Variants in TNFSF4 observed in about 807,000 individuals in gnomAD.
TNFSF4 encodes tumor necrosis factor ligand superfamily member 4.
In TNFSF4, 4 loss-of-function variants were observed where a neutral mutation model predicts 7.3. The ratio of observed to expected loss-of-function variants is 0.55; its 90% CI spans 0.27 to 1.25. The LOEUF is 1.25. Among genes scored for constraint, TNFSF4 ranks in the 50% most tolerant of loss-of-function variants. The probability of loss-of-function intolerance (pLI) is 0.12; values close to 1 mark genes in which losing one functional copy is unlikely to be tolerated. For synonymous variants in TNFSF4, 76 were observed against 83.7 expected (o/e 0.91, Z 0.50); for missense variants, 181 against 208.8 (o/e 0.87, Z 0.82).
At chr1:173,385,710 A>T in the TNFSF4 span, among the ~76,000 whole-genome samples, 1 of 152,214 alleles carries the variant, frequency 6.6e-6, no homozygotes, top group Non-Finnish European at 1.5e-5. Context: ...GTGGTGGCAC[A>T]TGCCTGTAAT....
the TNFSF4 span, among the ~76,000 whole-genome samples, chr1:173,365,090 G>GA: frequency 0.078 from 10,463 of 134,186 alleles, 1,228 homozygotes; most frequent in African/African-American, 0.26. Context: ...CTGTCACAGG[G>GA]AAAAAAAAAA....
the TNFSF4 span, among the ~76,000 whole-genome samples, chr1:173,357,271 A>T: frequency 6.6e-6 from 1 of 152,194 alleles, no homozygotes; most frequent in African/African-American, 2.4e-5. Context: ...GTATTATCTC[A>T]TGCCATCTGG....
chr1:173,297,667 A>G, the TNFSF4 span, among the ~76,000 whole-genome samples: 1 of 151,952 alleles, frequency 6.6e-6, no homozygotes, highest in East Asian at 1.9e-4. Context: ...AATACGAAAT[A>G]TGCAAGGCAG....
At chr1:173,433,489 G>A in the TNFSF4 span, among the ~76,000 whole-genome samples, 1 of 151,668 alleles carries the variant, frequency 6.6e-6, no homozygotes. Flanking sequence ...GAGTCCAGGA[G>A]TTCCAAACCA....
At chr1:173,319,209 T>G in the TNFSF4 span, among the ~76,000 whole-genome samples, 3 of 152,126 alleles carry the variant, frequency 2.0e-5, no homozygotes, top group African/African-American at 7.2e-5. Flanking sequence ...CCCCTGACAG[T>G]GCTAAAGGGT....
At chr1:173,225,104 C>G in the TNFSF4 span, among the ~76,000 whole-genome samples, 1 of 152,140 alleles carries the variant, frequency 6.6e-6, no homozygotes, top group Non-Finnish European at 1.5e-5. Context: ...TCTCATACTC[C>G]CCTTGTTATC....
chr1:173,410,908 AC>A, the TNFSF4 span, among the ~76,000 whole-genome samples: 1 of 152,050 alleles, frequency 6.6e-6, no homozygotes, highest in Non-Finnish European at 1.5e-5. Flanking sequence ...CTGGGGTAAA[AC>A]CCAAGGGGTA....
the TNFSF4 span, among the ~76,000 whole-genome samples, chr1:173,291,684 C>T: frequency 6.6e-6 from 1 of 151,872 alleles, no homozygotes; most frequent in Admixed American, 6.6e-5. Flanking sequence ...TGCAAAAATC[C>T]ATACAAAGGT....
At chr1:173,421,825 C>T in the TNFSF4 span, among the ~76,000 whole-genome samples, 1 of 152,048 alleles carries the variant, frequency 6.6e-6, no homozygotes, top group African/African-American at 2.4e-5. Context: ...AAACATAATA[C>T]AGTAATTTAG....
chr1:173,267,262 C>T, the TNFSF4 span, among the ~76,000 whole-genome samples: 3 of 152,162 alleles, frequency 2.0e-5, no homozygotes, highest in Admixed American at 1.3e-4. Context: ...TGAGCCCCAA[C>T]ATACCTTTGC....
chr1:173,391,949 A>G, the TNFSF4 span, among the ~76,000 whole-genome samples: 1 of 152,230 alleles, frequency 6.6e-6, no homozygotes, highest in East Asian at 1.9e-4. Context: ...TAAATTCCAT[A>G]AGTTACCCAA....
At chr1:173,409,833 C>T in the TNFSF4 span, among the ~76,000 whole-genome samples, 3 of 152,164 alleles carry the variant, frequency 2.0e-5, no homozygotes, top group African/African-American at 4.8e-5. Context: ...GAGGAGCTCC[C>T]GCAGCTCTCC....
the TNFSF4 span, among the ~76,000 whole-genome samples, chr1:173,255,527 C>G: frequency 6.6e-6 from 1 of 152,136 alleles, no homozygotes; most frequent in Non-Finnish European, 1.5e-5. Context: ...AGTTAACAAT[C>G]GTTATAATGT....
At chr1:173,320,429 G>A in the TNFSF4 span, among the ~76,000 whole-genome samples, 1 of 152,148 alleles carries the variant, frequency 6.6e-6, no homozygotes, top group Admixed American at 6.5e-5. Flanking sequence ...GCACAAGGAT[G>A]CCCTCTCTCA....
the TNFSF4 span, among the ~76,000 whole-genome samples, chr1:173,301,040 T>C: frequency 6.6e-6 from 1 of 151,970 alleles, no homozygotes; most frequent in African/African-American, 2.4e-5. Flanking sequence ...CCAGTATTTT[T>C]AAAAAGATTC....
Position 173,184,594 on chromosome 1 carries a change from C to A in TNFSF4, c.*1922G>T, listed in dbSNP as rs760148385. Reference sequence around the variant, plus strand: ...AAAAATTCCAAACTTAAAAATGAACCATGCATTTTCTTAAATATTACCTAT... The same window carrying A: ...AAAAATTCCAAACTTAAAAATGAACAATGCATTTTCTTAAATATTACCTAT... On this transcript the variant is annotated 3_prime_UTR_variant, in exon 3 of 3. Transcript: ENST00000281834. 3 of 152,060 alleles carry A rather than the reference C, an allele frequency of 2.0e-5. No individual in the cohort carries two copies. The highest frequency in any genetic ancestry group is 2.9e-5 in the Non-Finnish European group (2 of 68,010). The allele number at this position is 152,060 out of a possible 1,614,324, so 9.4% of individuals were successfully genotyped here. A position where few individuals can be genotyped will look rare whatever the true frequency, so the allele number is the denominator to read the frequency against.
chr1:173,442,531 GGTTTTTC>G, the TNFSF4 span, among the ~76,000 whole-genome samples: 3 of 147,222 alleles, frequency 2.0e-5, no homozygotes, highest in Non-Finnish European at 3.0e-5. Flanking sequence ...TTCGGTTTTT[GGTTTTTC>G]GTTTTTGTTT....
chr1:173,188,470 G>A, intron 2 of TNFSF4, 51 bp downstream of exon 2: 1 of 1,394,242 alleles, frequency 7.2e-7, no homozygotes, highest in East Asian at 2.3e-5. Flanking sequence ...AGAGACTGAA[G>A]AGAAGATTCT....
At chr1:173,429,483 G>A in the TNFSF4 span, among the ~76,000 whole-genome samples, 4 of 152,324 alleles carry the variant, frequency 2.6e-5, no homozygotes, top group South Asian at 4.1e-4. Flanking sequence ...GCTGAGAGGG[G>A]ACCCCGTCCT....
Sources: allele counts gnomAD v4.1 joint callset (sites outside exome capture counted in the v4.1 genomes callset), GRCh38; gene constraint gnomAD v4.1.1; transcripts MANE v1.5; gene names NCBI Gene and HGNC (gene_info 2026-07-23, HGNC 2026-07-21).